CCNA1: variants seen among roughly 807,000 people sequenced by gnomAD.
CCNA1 encodes cyclin-A1.
In CCNA1, 23 loss-of-function variants were observed where a neutral mutation model predicts 54.1. The ratio of observed to expected loss-of-function variants is 0.42; its 90% CI spans 0.31 to 0.60. The LOEUF is 0.60. CCNA1 is among the 20% of genes least tolerant of loss of function. The pLI is 0.14. For synonymous variants in CCNA1, 208 were observed against 213.9 expected (o/e 0.97, Z 0.24); for missense variants, 450 against 556.7 (o/e 0.81, Z 1.93).
Position 36,433,072 on chromosome 13 carries a change from C to A in CCNA1, c.148C>A (p.Pro50Thr). ...GTCTGAAGCAATGCACTGCAGCAAC[C>A]CCAAGAGTGGAGTTGTGCTGGCTAC... Residue 50 changes from proline (P) to threonine (T), a missense_variant, in exon 2 of 9, where the codon CCC (proline) becomes ACC (threonine). Pro to Thr is a conservative substitution (Grantham distance 38, BLOSUM62 -1). Transcript: ENST00000255465. 6.2e-7 allele frequency: 1 copy of A among 1,614,080 alleles called. No individual in the cohort carries two copies. Among genetic ancestry groups the A allele is most frequent in the South Asian group, 1.1e-5 (1 of 91,070 alleles).
intron 3 of CCNA1, 29 bp downstream of exon 3, chr13:36,437,904 G>A: frequency 6.2e-7 from 1 of 1,602,920 alleles, no homozygotes. Context: ...GTTGATGGCT[G>A]ATGGTACCCT....
intron 2 of CCNA1, among the ~76,000 whole-genome samples, 194 bp downstream of exon 2, chr13:36,433,415 T>TTCGTTCGTTCGTTCGTTCG (rs1566169541): frequency 8.2e-6 from 1 of 121,638 alleles, no homozygotes; most frequent in African/African-American, 3.2e-5. Flanking sequence ...TCTTTCTTTC[T>TTCGTTCGTTCGTTCGTTCG]TTCTTTCTTT....
At chr13:36,440,548 G>C (rs546178267) in intron 6 of CCNA1, among the ~76,000 whole-genome samples, 38 of 152,162 alleles carry the variant, frequency 2.5e-4, no homozygotes, top group Non-Finnish European at 3.8e-4. Flanking sequence ...ATTAAGTAAT[G>C]AGCATTATTT....
Position 36,432,568 on chromosome 13 carries a change from G to A in CCNA1, c.-54G>A. 8.6e-7 allele frequency: 1 copy of A among 1,162,048 alleles called. No individual in the cohort carries two copies. The highest frequency in any genetic ancestry group is 1.2e-6 in the Non-Finnish European group (1 of 820,812). 72.0% of individuals were successfully genotyped at this position (1,162,048 alleles called of 1,614,324 possible). A position where few individuals can be genotyped will look rare whatever the true frequency, so the allele number is the denominator to read the frequency against. On this transcript the variant is annotated 5_prime_UTR_variant, in exon 1 of 9. Coordinates refer to ENST00000255465, the MANE Select transcript of CCNA1 (RefSeq NM_003914.4). The stretch of plus-strand genomic sequence containing the variant: ...CTTTGGGGTCCAGGCAGGTTTTGGG[G>A]CCTCCTGTCTGGTGGGAGGAGGCCG...
chr13:36,440,207 G>A (rs759857818), intron 6 of CCNA1, 24 bp downstream of exon 6: 2 of 1,587,590 alleles, frequency 1.3e-6, no homozygotes, highest in Admixed American at 3.3e-5. Flanking sequence ...GTGATTTCTA[G>A]GAACTTCCAG....
At chr13:36,442,409 G>C in intron 8 of CCNA1, 105 bp downstream of exon 8, 1 of 1,319,234 alleles carries the variant, frequency 7.6e-7, no homozygotes, top group Non-Finnish European at 1.1e-6. Flanking sequence ...TCTGGTGCCA[G>C]GTTGGAAAAG....
At chr13:36,438,248 T>A in intron 4 of CCNA1, 57 bp downstream of exon 4, 2 of 1,504,058 alleles carry the variant, frequency 1.3e-6, no homozygotes, top group Non-Finnish European at 1.8e-6. Context: ...ATTACTAAGA[T>A]AAATTATAAA....
rs1258083068 is a variant in CCNA1, at chr13:36,442,051, C to T, written c.1213-120C>T. The stretch of plus-strand genomic sequence containing the variant: ...TAAAATCTCTGAAGGGGGTTCTGGT[C>T]TCTTTCGAGATGAATGTGAATATTT... On this transcript the variant is annotated intron_variant, in intron 7 of 8. Transcript: ENST00000255465. The T allele has an allele frequency of 4.4e-6, 3 of 674,644 alleles. No homozygotes were observed. The African/African-American group carries it at 5.3e-5, about 12-fold the overall frequency. 41.8% of individuals were successfully genotyped at this position (674,644 alleles called of 1,614,324 possible). A position where few individuals can be genotyped will look rare whatever the true frequency, so the allele number is the denominator to read the frequency against.
intron 6 of CCNA1, 85 bp downstream of exon 6, chr13:36,440,268 T>C: frequency 2.4e-6 from 3 of 1,231,176 alleles, no homozygotes; most frequent in South Asian, 2.7e-5. Context: ...CAGTTCTTTT[T>C]TCCTTTTCAG....
In CCNA1 at chr13:36,441,174, A is replaced by G. The variant is rs180874885; in HGVS notation, c.1155A>G (p.Ser385=). ...ATCCATTCTTGAAATATCTTCCTTC[A>G]CTGATAGCTGCAGCAGCTTTTTGCC... Residue 385 remains serine (S), a synonymous_variant, in exon 7 of 9, where the codon TCA becomes TCG. Coordinates refer to ENST00000255465, the MANE Select transcript of CCNA1 (RefSeq NM_003914.4). The G allele has an allele frequency of 6.2e-6, 10 of 1,613,356 alleles. No homozygotes were observed. The highest frequency in any genetic ancestry group is 1.3e-5 in the African/African-American group (1 of 75,014).
chr13:36,439,309 G>T (rs572858814), intron 5 of CCNA1, among the ~76,000 whole-genome samples: 1 of 152,254 alleles, frequency 6.6e-6, no homozygotes, highest in African/African-American at 2.4e-5. Context: ...ATTCATTCAT[G>T]AAAGTACCTA....
rs1321879463 is a variant in CCNA1 at position 36,440,138 on chromosome 13, C to T, written c.1053C>T (p.Tyr351=). 6.2e-7 allele frequency: 1 copy of T among 1,614,110 alleles called. No homozygotes were observed. Among genetic ancestry groups the T allele is most frequent in the Admixed American group, 1.7e-5 (1 of 60,016 alleles). The change falls in exon 6 of 9, where the codon TAC becomes TAT. Residue 351 remains tyrosine, a synonymous_variant. Coordinates refer to ENST00000255465, the MANE Select transcript of CCNA1 (RefSeq NM_003914.4). ...CCACCAACCAGTTTCTCCTTCAGTA[C>T]TTGAGGCGACAAGGAGTGTGCGTCA...
chr13:36,434,108 G>T (rs1410945136), intron 2 of CCNA1, among the ~76,000 whole-genome samples: 1 of 152,140 alleles, frequency 6.6e-6, no homozygotes, highest in East Asian at 1.9e-4. Context: ...TGTGTTCATT[G>T]CGGATAGTGT....
At chr13:36,439,213 A>G (rs569393788) in intron 5 of CCNA1, among the ~76,000 whole-genome samples, 11 of 152,238 alleles carry the variant, frequency 7.2e-5, no homozygotes, top group African/African-American at 2.4e-4. Flanking sequence ...ACAAAAAGCT[A>G]TCTTCATGAT....
intron 2 of CCNA1, among the ~76,000 whole-genome samples, chr13:36,433,823 C>G (rs1380241795): frequency 6.6e-6 from 1 of 152,110 alleles, no homozygotes; most frequent in African/African-American, 2.4e-5. Context: ...TTACAGGCGT[C>G]AGCCACGGTG....
At position 36,437,732 on chromosome 13, in the gene CCNA1, G is replaced by C; in HGVS notation, c.401G>C (p.Gly134Ala). 1 of 1,614,116 alleles carries C rather than the reference G, an allele frequency of 6.2e-7. No individual in the cohort carries two copies. Among genetic ancestry groups the C allele is most frequent in the Non-Finnish European group, 8.5e-7 (1 of 1,180,000 alleles). The change falls in exon 3 of 9, where the codon GGG (glycine) becomes GCG (alanine). Residue 134 changes from glycine (G) to alanine (A), a missense_variant. This residue lies in a region of CCNA1 where 103 missense variants were observed against 92.9 expected (regional missense o/e 1.11). Coordinates refer to ENST00000255465, the MANE Select transcript of CCNA1 (RefSeq NM_003914.4). ...GGGGTCCAAGAGCCCCCCAAGCAAG[G>C]GTTTGACATCTACATGGATGAACTA...
chr13:36,437,465 T>C (rs2137823253), intron 2 of CCNA1, among the ~76,000 whole-genome samples, 164 bp from the exon 3 acceptor site: 1 of 152,222 alleles, frequency 6.6e-6, no homozygotes, highest in East Asian at 1.9e-4. Context: ...GGGGAAAAAT[T>C]ACACTTTTGA....
At position 36,432,550 on chromosome 13, in the gene CCNA1, G is replaced by C; in HGVS notation, c.-72G>C. ...CGGGAAGAGCGGGGCCCGCTTTGGGGTCCAGGCAGGTTTTGGGGCCTCCTG... is the reference window on the plus strand; with the variant it reads ...CGGGAAGAGCGGGGCCCGCTTTGGGCTCCAGGCAGGTTTTGGGGCCTCCTG... On this transcript the variant is annotated 5_prime_UTR_variant, in exon 1 of 9. Transcript: ENST00000255465. The C allele has an allele frequency of 1.2e-6, 1 of 856,836 alleles. No individual in the cohort carries two copies. Among genetic ancestry groups the C allele is most frequent in the Non-Finnish European group, 1.8e-6 (1 of 548,208 alleles). 53.1% of individuals were successfully genotyped at this position (856,836 alleles called of 1,614,324 possible). A position where few individuals can be genotyped will look rare whatever the true frequency, so the allele number is the denominator to read the frequency against.
chr13:36,432,611 C>T lies in CCNA1; in HGVS notation c.-11C>T. On this transcript the variant is annotated 5_prime_UTR_variant, in exon 1 of 9. Coordinates refer to ENST00000255465, the MANE Select transcript of CCNA1 (RefSeq NM_003914.4). Reference sequence around the variant, plus strand: ...GGAGGCCGCAGCGCAGCACCCTGCTCGTCACTTGGGATGGAGACCGGCTTT... The same window carrying T: ...GGAGGCCGCAGCGCAGCACCCTGCTTGTCACTTGGGATGGAGACCGGCTTT... The T allele has an allele frequency of 6.4e-7, 1 of 1,562,320 alleles. No homozygotes were observed. Among genetic ancestry groups the T allele is most frequent in the Non-Finnish European group, 8.7e-7 (1 of 1,150,248 alleles).
Sources: gnomAD v4.1 joint callset for allele counts (sites outside exome capture counted in the v4.1 genomes callset) on GRCh38, gnomAD v4.1.1 for gene constraint, gnomAD v4.1.1 regional missense constraint, MANE v1.5 for transcripts, NCBI Gene and HGNC (gene_info 2026-07-23, HGNC 2026-07-21) for gene names.